The following SRGAP2C variants were observed in gnomAD, a reference collection of about 807,000 sequenced individuals.
SRGAP2C encodes SLIT-ROBO Rho GTPase-activating protein 2C.
A neutral mutation model predicts 25.1 loss-of-function variants in SRGAP2C; 15 were observed. The observed-to-expected ratio is 0.60, with a 90% confidence interval of 0.40 to 0.92. The LOEUF (loss-of-function observed/expected upper bound fraction) is 0.92, where lower values mean the gene tolerates loss of function less well. Ranked by LOEUF, SRGAP2C falls within the 40% of genes least tolerant of loss-of-function variation. The pLI is 0.00. For missense variants in SRGAP2C, 144 were observed against 264.4 expected (o/e 0.54, Z 3.16); for synonymous variants, 44 against 96.6 (o/e 0.46, Z 3.19).
chr1:121,203,854 C>CA (rs587713939), intron 2 of SRGAP2C, among the ~76,000 whole-genome samples: 214 of 108,426 alleles, frequency 2.0e-3, no homozygotes, highest in South Asian at 5.4e-3. Flanking sequence ...TCTGAAGACT[C>CA]ATTCAGGTTG....
At chr1:121,211,639 A>T (rs1655260078) in intron 2 of SRGAP2C, among the ~76,000 whole-genome samples, 1 of 152,168 alleles carries the variant, frequency 6.6e-6, no homozygotes, top group Non-Finnish European at 1.5e-5. Flanking sequence ...ATTGAGAGAA[A>T]GCCATTCAGT....
At chr1:121,332,642 A>G (rs1275291161) in intron 4 of SRGAP2C, among the ~76,000 whole-genome samples, 16 of 146,404 alleles carry the variant, frequency 1.1e-4, no homozygotes, top group African/African-American at 4.0e-4. Flanking sequence ...CACTAAGGAA[A>G]TGAATCTGGT....
intron 2 of SRGAP2C, among the ~76,000 whole-genome samples, chr1:121,231,528 G>A (rs1344972147): frequency 5.5e-5 from 8 of 145,254 alleles, no homozygotes; most frequent in African/African-American, 2.1e-4. Context: ...GTCTGTGTGG[G>A]ATAGTTTTTC....
chr1:121,351,154 T>A (rs1438775135), intron 4 of SRGAP2C, among the ~76,000 whole-genome samples: 3 of 152,084 alleles, frequency 2.0e-5, no homozygotes, highest in African/African-American at 7.2e-5. Context: ...CTGGTGAGAT[T>A]GTGAAATGGT....
chr1:121,309,589 A>G lies in SRGAP2C; in HGVS notation c.261-14889A>G, dbSNP rs1183487489. Among the ~76,000 whole-genome samples the G allele has an allele frequency of 2.0e-5, 3 of 150,876 alleles. No individual in the cohort carries two copies. In the East Asian group the frequency reaches 5.8e-4, roughly 29 times the overall value. On this transcript the variant is annotated intron_variant, in intron 3 of 9. Coordinates refer to ENST00000367123, the MANE Select transcript of SRGAP2C (RefSeq NM_001329984.2). ...CCCTCCCCACTCCCCCAACCCCACC[A>G]CAGTCCCCAGAGTGTGATATTCCCC...
At chr1:121,233,052 T>C (rs1655857379) in intron 2 of SRGAP2C, among the ~76,000 whole-genome samples, 1 of 116,382 alleles carries the variant, frequency 8.6e-6, no homozygotes, top group Non-Finnish European at 1.8e-5. Flanking sequence ...TCCGCCTCAC[T>C]GTCACTCATG....
rs1269164197 is a variant in SRGAP2C at position 121,294,594 on chromosome 1, T to G, written c.260+9599T>G. Reference sequence around the variant, plus strand: ...CTAATTGATAATGCATTGGCTGTTTTTTTTTTTTTTTAAATAGACTTCCTG... The same window carrying G: ...CTAATTGATAATGCATTGGCTGTTTGTTTTTTTTTTTAAATAGACTTCCTG... On this transcript the variant is annotated intron_variant, in intron 3 of 9. Transcript: ENST00000367123. Among the ~76,000 whole-genome samples the G allele has an allele frequency of 2.1e-3, 154 of 72,580 alleles. 3 individuals carry two copies. The highest frequency in any genetic ancestry group is 5.0e-3 in the East Asian group (7 of 1,414). The allele number at this position is 72,580 out of a possible 152,430, so 47.6% of individuals were successfully genotyped here.
In SRGAP2C at chr1:121,202,140, A is replaced by T. The variant is rs587635249; in HGVS notation, c.67+14627A>T. On this transcript the variant is annotated intron_variant, in intron 2 of 9. Coordinates refer to ENST00000367123, the MANE Select transcript of SRGAP2C (RefSeq NM_001329984.2). ...ATAAATGGTCAGTTCCTTCATTTGC[A>T]GAACTTGAAATAGTTTAAAGAAGAG... Among the ~76,000 whole-genome samples the T allele has an allele frequency of 5.8e-4, 88 of 152,276 alleles. No individual in the cohort carries two copies. In the South Asian group the frequency reaches 9.3e-3, roughly 16 times the overall value.
chr1:121,243,386 AC>A (rs1656162217), intron 2 of SRGAP2C, among the ~76,000 whole-genome samples: 2 of 120,822 alleles, frequency 1.7e-5, no homozygotes, highest in South Asian at 6.2e-4. Flanking sequence ...AACCCTTAGC[AC>A]CCATTATCTC....
intron 4 of SRGAP2C, among the ~76,000 whole-genome samples, chr1:121,340,746 C>G (rs1297653918): frequency 2.0e-5 from 3 of 151,548 alleles, no homozygotes; most frequent in Non-Finnish European, 4.4e-5. Context: ...CCAGGATTCT[C>G]AATTAGCCAT....
At chr1:121,201,592 C>T (rs1364036746) in intron 2 of SRGAP2C, among the ~76,000 whole-genome samples, 11 of 152,246 alleles carry the variant, frequency 7.2e-5, no homozygotes, top group East Asian at 5.8e-4. Flanking sequence ...TGCGCGTGTG[C>T]GCGCACGCAC....
chr1:121,274,363 C>T (rs1392386679), intron 2 of SRGAP2C, among the ~76,000 whole-genome samples: 1 of 150,584 alleles, frequency 6.6e-6, no homozygotes, highest in East Asian at 2.0e-4. Flanking sequence ...AATACAACTG[C>T]CTTTTCCAGT....
rs1553339753 is a variant in SRGAP2C, at chr1:121,308,729, A to C, written c.261-15749A>C. Among the ~76,000 whole-genome samples, 955 of 150,778 alleles carry C rather than the reference A, an allele frequency of 6.3e-3. 8 individuals carry two copies. Among genetic ancestry groups the C allele is most frequent in the African/African-American group, 0.021 (882 of 41,096 alleles). ...CAATGTGGACAGATCACCTGAGGTC[A>C]GGAGTTGGAGACCAGCCTGACCAAC... On this transcript the variant is annotated intron_variant, in intron 3 of 9. Coordinates refer to ENST00000367123, the MANE Select transcript of SRGAP2C (RefSeq NM_001329984.2).
chr1:121,202,012 G>T (rs1570700566), intron 2 of SRGAP2C, among the ~76,000 whole-genome samples: 1 of 152,130 alleles, frequency 6.6e-6, no homozygotes. Flanking sequence ...CAATTCTTCA[G>T]TGTTAATCAT....
chr1:121,367,131 G>T (rs1186645872), intron 5 of SRGAP2C, among the ~76,000 whole-genome samples: 1 of 151,786 alleles, frequency 6.6e-6, no homozygotes, highest in African/African-American at 2.4e-5. Context: ...TCTTCCCATT[G>T]ATGTTCAAAC....
chr1:121,391,302 A>G lies in SRGAP2C; in HGVS notation c.*3447A>G, dbSNP rs1354261363. ...TCATAGGTTAAGCCACATGCTGACAAATGTCATAAGAAGACCCTACACTTT... is the reference window on the plus strand; with the variant it reads ...TCATAGGTTAAGCCACATGCTGACAGATGTCATAAGAAGACCCTACACTTT... On this transcript the variant is annotated 3_prime_UTR_variant, in exon 10 of 10. Coordinates refer to ENST00000367123, the MANE Select transcript of SRGAP2C (RefSeq NM_001329984.2). The G allele has an allele frequency of 6.6e-6, 1 of 151,818 alleles. No homozygotes were observed. The highest frequency in any genetic ancestry group is 1.5e-5 in the Non-Finnish European group (1 of 67,916). 9.4% of individuals were successfully genotyped at this position (151,818 alleles called of 1,614,324 possible). A position where few individuals can be genotyped will look rare whatever the true frequency, so the allele number is the denominator to read the frequency against.
At chr1:121,343,762 C>T (rs1658681925) in intron 4 of SRGAP2C, among the ~76,000 whole-genome samples, 1 of 144,970 alleles carries the variant, frequency 6.9e-6, no homozygotes, top group South Asian at 2.2e-4. Context: ...GGTGCTGCTC[C>T]CTGGTGATTC....
chr1:121,249,563 TATATATATATATATATA>T (rs1382797723), intron 2 of SRGAP2C, among the ~76,000 whole-genome samples: 1 of 31,042 alleles, frequency 3.2e-5, no homozygotes. Flanking sequence ...TATATATATA[TATATATATATATATATA>T]TTTTTTTTTT....
chr1:121,230,707 A>T (rs1228114653), intron 2 of SRGAP2C, among the ~76,000 whole-genome samples: 1 of 149,990 alleles, frequency 6.7e-6, no homozygotes, highest in Non-Finnish European at 1.5e-5. Flanking sequence ...AGGTTTAAAA[A>T]TCATTCTACT....
Sources: gnomAD v4.1 joint callset for allele counts (sites outside exome capture counted in the v4.1 genomes callset) on GRCh38, gnomAD v4.1.1 for gene constraint, MANE v1.5 for transcripts, NCBI Gene and HGNC (gene_info 2026-07-23, HGNC 2026-07-21) for gene names.